BAIAP2: variants seen among roughly 807,000 people sequenced by gnomAD.
The protein encoded by BAIAP2 is BAR/IMD domain-containing adapter protein 2.
Under a neutral mutation model 63.0 loss-of-function variants are expected in BAIAP2, and 18 were observed. That is an observed-to-expected ratio of 0.29 (90% CI 0.20 to 0.42). The LOEUF (loss-of-function observed/expected upper bound fraction) is 0.42. Among genes scored for constraint, BAIAP2 ranks in the 10% least tolerant of loss-of-function variants. The probability of loss-of-function intolerance (pLI) is 1.00; values close to 1 mark genes in which losing one functional copy is unlikely to be tolerated. For synonymous variants in BAIAP2, 386 were observed against 307.6 expected, an observed-to-expected ratio of 1.25 and a Z score of -2.67; for missense variants, 610 against 734.3, an observed-to-expected ratio of 0.83 and a Z score of 1.96.
chr17:81,091,492 T>G (rs1364782630), intron 6 of BAIAP2, among the ~76,000 whole-genome samples: 1 of 152,112 alleles, frequency 6.6e-6, no homozygotes, highest in African/African-American at 2.4e-5. Flanking sequence ...GATCCCTGCC[T>G]CGGTCCCTGG....
Position 81,116,032 on chromosome 17 carries a change from C to T in BAIAP2, c.*193C>T, listed in dbSNP as rs1209840884. ...GCCGGGCAGAGTGGGGCGCAGGCCC[C>T]TGAAGGGCGAGACCCAGTGGCTGGG... On this transcript the variant is annotated 3_prime_UTR_variant, in exon 14 of 14. Coordinates refer to ENST00000428708, the MANE Select transcript of BAIAP2 (RefSeq NM_001144888.2). 3.4e-6 allele frequency: 5 copies of T among 1,458,820 alleles called. No homozygotes were observed. Among genetic ancestry groups the T allele is most frequent in the Non-Finnish European group, 4.5e-6 (5 of 1,108,772 alleles). 90.4% of individuals were successfully genotyped at this position (1,458,820 alleles called of 1,614,324 possible). A position where few individuals can be genotyped will look rare whatever the true frequency, so the allele number is the denominator to read the frequency against.
rs372635764 is a variant in BAIAP2, at chr17:81,099,973, G to A, written c.535G>A (p.Val179Met). 25 of 1,613,352 alleles carry A rather than the reference G, an allele frequency of 1.5e-5. No individual in the cohort carries two copies. The highest frequency in any genetic ancestry group is 2.1e-5 in the Non-Finnish European group (25 of 1,179,976). ...CAAGCAGGGCGAGCTGGAGAATTAC[G>A]TGTCCGACGGCTACAAGACCGCACT... ...SNKQGELENY[V>M]SDGYKTALTE... Residue 179 changes from valine to methionine, a missense_variant, in exon 7 of 14, where the codon GTG becomes ATG. Physicochemically the swap from Val to Met is conservative, Grantham distance 21. This residue lies in a region of BAIAP2 where 389 missense variants were observed against 455.6 expected (regional missense o/e 0.85). Transcript: ENST00000428708.
In BAIAP2 at chr17:81,084,895, T is replaced by C; in HGVS notation, c.279+2T>C. The C allele has an allele frequency of 6.2e-7, 1 of 1,613,654 alleles. No individual in the cohort carries two copies. Among genetic ancestry groups the C allele is most frequent in the Non-Finnish European group, 8.5e-7 (1 of 1,180,004 alleles). On this transcript the variant is annotated splice_donor_variant, in intron 4 of 13. Transcript: ENST00000428708. LOFTEE classifies it high-confidence loss of function. ...ATCCAGAATCAGCTGGAAGAAATGG[T>C]GAGTCCACCCCCAGCGTGGCCCTGC... is the stretch of plus-strand genomic sequence containing the variant.
At chr17:81,067,367 C>T (rs987045880) in intron 3 of BAIAP2, among the ~76,000 whole-genome samples, 11 of 152,238 alleles carry the variant, frequency 7.2e-5, no homozygotes, top group African/African-American at 2.7e-4. Context: ...CCCTCCAGCA[C>T]CTGAGCAGGG....
At chr17:81,070,382 A>G (rs955090923) in intron 3 of BAIAP2, among the ~76,000 whole-genome samples, 11 of 152,212 alleles carry the variant, frequency 7.2e-5, no homozygotes, top group Non-Finnish European at 1.5e-4. Flanking sequence ...TGGGTATTGA[A>G]TGTGCTCTGC....
At chr17:81,100,248 GT>G (rs2058306124) in intron 7 of BAIAP2, among the ~76,000 whole-genome samples, 168 bp downstream of exon 7, 1 of 152,222 alleles carries the variant, frequency 6.6e-6, no homozygotes, top group Non-Finnish European at 1.5e-5. Context: ...GAATTACCAG[GT>G]CACAGGGTGC....
At chr17:81,103,760 G>C (rs1235957197) in intron 8 of BAIAP2, 37 bp downstream of exon 8, 2 of 1,583,804 alleles carry the variant, frequency 1.3e-6, no homozygotes, top group Non-Finnish European at 1.7e-6. Context: ...CACGGGTGTG[G>C]GTGGGAGGGC....
rs540306117 is a variant in BAIAP2 at position 81,040,615 on chromosome 17, A to G, written c.54+5307A>G. On this transcript the variant is annotated intron_variant, in intron 1 of 13. Transcript: ENST00000428708. ...GGGGCCCATCGGTATTTGGGAATGA[A>G]CACATCTTGTTTCTGGATTCTGGAG... Among the ~76,000 whole-genome samples, 17 of 152,384 alleles carry G rather than the reference A, an allele frequency of 1.1e-4. No homozygotes were observed. In the South Asian group the frequency reaches 3.5e-3, roughly 32 times the overall value.
intron 7 of BAIAP2, among the ~76,000 whole-genome samples, chr17:81,100,660 C>T (rs2058363219): frequency 6.6e-6 from 1 of 152,158 alleles, no homozygotes; most frequent in South Asian, 2.1e-4. Flanking sequence ...GCCCCAGGTC[C>T]AGCAGCTGCC....
intron 11 of BAIAP2, among the ~76,000 whole-genome samples, chr17:81,106,382 G>A (rs2059182780): frequency 6.6e-6 from 1 of 152,224 alleles, no homozygotes; most frequent in Non-Finnish European, 1.5e-5. Context: ...GGCAGCAGGT[G>A]CTATGGGGGC....
chr17:81,060,673 G>A (rs2050386785), intron 3 of BAIAP2, among the ~76,000 whole-genome samples: 1 of 152,176 alleles, frequency 6.6e-6, no homozygotes, highest in African/African-American at 2.4e-5. Context: ...TCAGATGGCT[G>A]GGAGTTGAGT....
rs573201277 is a variant in BAIAP2 at position 81,091,232 on chromosome 17, A to G, written c.489+4652A>G. On this transcript the variant is annotated intron_variant, in intron 6 of 13. Coordinates refer to ENST00000428708, the MANE Select transcript of BAIAP2 (RefSeq NM_001144888.2). ...CCCCACAGGCCTCCTAGCTGTCCCT[A>G]ACTCCTGGCTTGCCTCGCGGGGTCT... Among the ~76,000 whole-genome samples the G allele has an allele frequency of 1.9e-3, 241 of 127,542 alleles. 1 individual carries two copies. Among genetic ancestry groups the G allele is most frequent in the African/African-American group, 6.7e-3 (226 of 33,520 alleles). The allele number at this position is 127,542 out of a possible 152,430, so 83.7% of individuals were successfully genotyped here. A position where few individuals can be genotyped will look rare whatever the true frequency, so the allele number is the denominator to read the frequency against.
chr17:81,086,078 C>T (rs2055578298), intron 5 of BAIAP2, among the ~76,000 whole-genome samples: 1 of 151,978 alleles, frequency 6.6e-6, no homozygotes, highest in African/African-American at 2.4e-5. Flanking sequence ...CACCGCCACT[C>T]CTGTCCGCTG....
chr17:81,064,343 G>A (rs1429786378), intron 3 of BAIAP2, among the ~76,000 whole-genome samples: 2 of 152,108 alleles, frequency 1.3e-5, no homozygotes, highest in Non-Finnish European at 2.9e-5. Flanking sequence ...CTTCAGCCCC[G>A]TCAGGATGAC....
At chr17:81,085,576 G>A (rs148844869) in intron 4 of BAIAP2, 78 bp from the exon 5 acceptor site, 23,420 of 1,266,700 alleles carry the variant, frequency 0.018, 285 homozygotes, top group Middle Eastern at 0.028. Flanking sequence ...GTGCCCATCC[G>A]CTCTAGCCCT....
chr17:81,096,929 GGAGGAGGAGGTGGAGGAGAAAGTA>G (rs1223358697), intron 6 of BAIAP2, among the ~76,000 whole-genome samples: 3 of 152,224 alleles, frequency 2.0e-5, no homozygotes, highest in Non-Finnish European at 2.9e-5. Flanking sequence ...CAGCTGTGGA[GGAGGAGGAGGTGGAGGAGAAAGTA>G]GAGGAGGAGA....
At chr17:81,067,748 T>TGTG (rs1476503097) in intron 3 of BAIAP2, among the ~76,000 whole-genome samples, 2 of 152,168 alleles carry the variant, frequency 1.3e-5, no homozygotes, top group Non-Finnish European at 2.9e-5. Context: ...GGAGGCACCC[T>TGTG]CCCTGAGCGC....
intron 7 of BAIAP2, among the ~76,000 whole-genome samples, chr17:81,101,965 C>T (rs1410690330): frequency 3.9e-5 from 6 of 152,220 alleles, no homozygotes; most frequent in Non-Finnish European, 7.4e-5. Flanking sequence ...CATGACGGGG[C>T]CAGGGAGTGA....
chr17:81,090,755 G>A (rs932282837), intron 6 of BAIAP2, among the ~76,000 whole-genome samples: 1 of 150,116 alleles, frequency 6.7e-6, no homozygotes, highest in Non-Finnish European at 1.5e-5. Context: ...CGGGGAGGCT[G>A]CGGCCACCAT....
Sources: allele counts gnomAD v4.1 joint callset (sites outside exome capture counted in the v4.1 genomes callset), GRCh38; gene constraint gnomAD v4.1.1; regional missense constraint gnomAD v4.1.1; transcripts MANE v1.5; gene names NCBI Gene and HGNC (gene_info 2026-07-23, HGNC 2026-07-21).